Variants in ZNF608 observed in about 807,000 individuals in gnomAD.
ZNF608 encodes the protein zinc finger protein 608, also known as renal carcinoma antigen NY-REN-36.
A neutral mutation model predicts 109.0 loss-of-function variants in ZNF608; 12 were observed. The ratio of observed to expected loss-of-function variants is 0.11; its 90% confidence interval spans 0.07 to 0.18. The LOEUF (loss-of-function observed/expected upper bound fraction) is 0.18. Among genes scored for constraint, ZNF608 ranks in the 10% least tolerant of loss-of-function variants. The probability of loss-of-function intolerance (pLI) is 1.00; values close to 1 mark genes in which losing one functional copy is unlikely to be tolerated. For missense variants in ZNF608, 1,707 were observed against 1,879.3 expected (o/e 0.91, Z 1.70); for synonymous variants, 732 against 717.4 (o/e 1.02, Z -0.33).
At chr5:124,689,489 A>T (rs1752529431) in intron 3 of ZNF608, among the ~76,000 whole-genome samples, 1 of 97,118 alleles carries the variant, frequency 1.0e-5, no homozygotes. Context: ...AGAGAGAGAC[A>T]GAGAGAGAAA....
intron 3 of ZNF608, among the ~76,000 whole-genome samples, chr5:124,662,610 A>T (rs975141521): frequency 1.3e-5 from 2 of 152,232 alleles, no homozygotes; most frequent in African/African-American, 4.8e-5. Flanking sequence ...GAGAAAGGCT[A>T]TTGTTAGTAA....
At chr5:124,692,775 A>C (rs1752673494) in intron 3 of ZNF608, among the ~76,000 whole-genome samples, 1 of 152,204 alleles carries the variant, frequency 6.6e-6, no homozygotes, top group African/African-American at 2.4e-5. Context: ...TCCCTTTCTA[A>C]GTCTCCTTTA....
chr5:124,652,830 C>A (rs1750851239), intron 3 of ZNF608, among the ~76,000 whole-genome samples: 1 of 152,172 alleles, frequency 6.6e-6, no homozygotes, highest in Non-Finnish European at 1.5e-5. Context: ...AAAATTAGTT[C>A]TTTAAAAGTG....
At chr5:124,684,658 T>C (rs1752331963) in intron 3 of ZNF608, among the ~76,000 whole-genome samples, 1 of 152,208 alleles carries the variant, frequency 6.6e-6, no homozygotes, top group African/African-American at 2.4e-5. Flanking sequence ...TTATAACAAA[T>C]GGGCGTAGTG....
At chr5:124,721,767 C>G (rs1309653882) in intron 2 of ZNF608, among the ~76,000 whole-genome samples, 2 of 151,420 alleles carry the variant, frequency 1.3e-5, no homozygotes, top group Non-Finnish European at 2.9e-5. Flanking sequence ...GAAACCCCAT[C>G]TCTACTTTAA....
chr5:124,684,472 T>C (rs139436831), intron 3 of ZNF608, among the ~76,000 whole-genome samples: 18 of 152,300 alleles, frequency 1.2e-4, no homozygotes, highest in African/African-American at 4.1e-4. Context: ...TTTTCCCTTA[T>C]AACTTATCAA....
Position 124,746,580 on chromosome 5 carries a change from CAG to C in ZNF608, c.-571_-570del. 1.0e-6 allele frequency: 1 copy of C among 985,350 alleles called. No homozygotes were observed. Among genetic ancestry groups the C allele is most frequent in the Non-Finnish European group, 1.2e-6 (1 of 829,914 alleles). The allele number at this position is 985,350 out of a possible 1,614,324, so 61.0% of individuals were successfully genotyped here. On this transcript the variant is annotated 5_prime_UTR_variant, in exon 1 of 10. An upstream open reading frame in the 5' UTR gains an earlier in-frame stop. Coordinates refer to ENST00000513986, the MANE Select transcript of ZNF608 (RefSeq NM_020747.3). ...TCATTCCGCCTTCAGTTCCAGACTT[CAG>C]AGTCACCGTGATCAGTAATGATCCC... is the stretch of plus-strand genomic sequence containing the variant.
intron 2 of ZNF608, chr5:124,710,215 G>A (rs1443346276): frequency 8.8e-6 from 4 of 456,008 alleles, no homozygotes; most frequent in Non-Finnish European, 1.8e-5. Flanking sequence ...TAAGAAGAAA[G>A]AAAGGCAGGA....
intron 3 of ZNF608, among the ~76,000 whole-genome samples, chr5:124,662,488 T>C (rs1056415961): frequency 2.6e-5 from 4 of 152,346 alleles, no homozygotes; most frequent in African/African-American, 9.6e-5. Context: ...TCTGACAGCT[T>C]TTACTGCCTC....
chr5:124,733,207 ATCTC>A (rs1271212494), intron 2 of ZNF608, among the ~76,000 whole-genome samples: 1 of 132,444 alleles, frequency 7.6e-6, no homozygotes, highest in African/African-American at 2.9e-5. Flanking sequence ...CATTCTCTCT[ATCTC>A]TCTCTCTTTT....
chr5:124,658,837 A>G (rs928491340), intron 3 of ZNF608, among the ~76,000 whole-genome samples: 5 of 152,192 alleles, frequency 3.3e-5, no homozygotes, highest in African/African-American at 1.2e-4. Context: ...CTTTTAAATA[A>G]AAGTGTTAAA....
chr5:124,662,234 T>C (rs1188580826), intron 3 of ZNF608, among the ~76,000 whole-genome samples: 2 of 152,248 alleles, frequency 1.3e-5, no homozygotes, highest in African/African-American at 4.8e-5. Flanking sequence ...AGCAGGAAGA[T>C]CTGAAGTTGG....
intron 2 of ZNF608, among the ~76,000 whole-genome samples, chr5:124,716,168 A>G (rs2149873373): frequency 6.6e-6 from 1 of 151,284 alleles, no homozygotes; most frequent in Admixed American, 6.6e-5. Context: ...AAAAAAGAAA[A>G]GAAAGAAACT....
At chr5:124,640,549 G>A (rs560824702) in intron 8 of ZNF608, among the ~76,000 whole-genome samples, 1 of 152,212 alleles carries the variant, frequency 6.6e-6, no homozygotes, top group African/African-American at 2.4e-5. Flanking sequence ...CTCCAGAACT[G>A]TGAGAAAATA....
rs1294327576 is a variant in ZNF608, at chr5:124,648,601, T to A, written c.1783A>T (p.Ile595Phe). The A allele has an allele frequency of 3.7e-6, 6 of 1,614,110 alleles. No homozygotes were observed. ...CTCAATCCTTCCTCACAGTCCGAGA[T>A]CTTGTCCTCACTGTCAGGCTCGAAC... ...LEFEPDSEDKISDCEEGLSNV... is the reference protein window; with the variant it reads ...LEFEPDSEDKFSDCEEGLSNV... Residue 595 changes from isoleucine (I) to phenylalanine (F), a missense_variant, in exon 5 of 10, where the codon ATC (isoleucine) becomes TTC (phenylalanine). Transcript: ENST00000513986.
intron 3 of ZNF608, among the ~76,000 whole-genome samples, chr5:124,670,234 G>A (rs1435856907): frequency 6.6e-6 from 1 of 151,990 alleles, no homozygotes; most frequent in Non-Finnish European, 1.5e-5. Context: ...GGGAATTTGG[G>A]ACTTTTCAAA....
chr5:124,642,877 A>T (rs1157641986), intron 7 of ZNF608, among the ~76,000 whole-genome samples: 1 of 151,556 alleles, frequency 6.6e-6, no homozygotes, highest in Non-Finnish European at 1.5e-5. Flanking sequence ...TTGTATTTTT[A>T]GTAGAGACGG....
chr5:124,733,039 A>T (rs1479137264), intron 2 of ZNF608, among the ~76,000 whole-genome samples: 1 of 152,000 alleles, frequency 6.6e-6, no homozygotes, highest in Non-Finnish European at 1.5e-5. Context: ...TTGTGAAAAA[A>T]AAAAAGGGTA....
intron 3 of ZNF608, among the ~76,000 whole-genome samples, chr5:124,656,036 G>GTT (rs1001713746): frequency 6.7e-6 from 1 of 149,586 alleles, no homozygotes; most frequent in African/African-American, 2.5e-5. Context: ...AATGCAGTAT[G>GTT]TTTTTTTTTT....
Sources: gnomAD v4.1 joint callset for allele counts (sites outside exome capture counted in the v4.1 genomes callset) on GRCh38, gnomAD v4.1.1 for gene constraint, MANE v1.5 for transcripts, NCBI Gene and HGNC (gene_info 2026-07-23, HGNC 2026-07-21) for gene names.